MYBL2: variants seen among roughly 807,000 people sequenced by gnomAD.
The protein encoded by MYBL2 is myb-related protein B.
In MYBL2, 28 loss-of-function variants were observed where a neutral mutation model predicts 79.9. The observed-to-expected ratio is 0.35, with a 90% CI of 0.26 to 0.48. The LOEUF (loss-of-function observed/expected upper bound fraction) is 0.48, where lower values mean the gene tolerates loss of function less well. Among genes scored for constraint, MYBL2 ranks in the 20% least tolerant of loss-of-function variants. MYBL2 has a pLI of 0.99. For missense variants in MYBL2, 735 were observed against 893.9 expected (o/e 0.82, Z 2.27); for synonymous variants, 378 against 361.2 (o/e 1.05, Z -0.53).
intron 1 of MYBL2, among the ~76,000 whole-genome samples, chr20:43,671,697 C>G (rs1478207891): frequency 2.6e-5 from 4 of 151,630 alleles, no homozygotes; most frequent in Non-Finnish European, 5.9e-5. Flanking sequence ...GTCTCGAACT[C>G]CCGACCTCAG....
At position 43,687,007 on chromosome 20, in the gene MYBL2, C is replaced by T; in HGVS notation, c.435C>T (p.Ile145=). The T allele has an allele frequency of 6.2e-7, 1 of 1,614,032 alleles. No individual in the cohort carries two copies. Among genetic ancestry groups the T allele is most frequent in the Admixed American group, 1.7e-5 (1 of 60,026 alleles). ...KSCWTEEEDR[I]ICEAHKVLGN... ...GCTGGACCGAGGAGGAGGACCGCAT[C>T]ATCTGCGAGGCCCACAAGGTGCTGG... Residue 145 remains isoleucine, a synonymous_variant, in exon 5 of 14, where the codon ATC becomes ATT. Transcript: ENST00000217026.
rs73907901 is a variant in MYBL2 at position 43,681,886 on chromosome 20, G to A, written c.186+31G>A. On this transcript the variant is annotated intron_variant, in intron 3 of 13. Transcript: ENST00000217026. ...TACAGTCCTGCTGTGGCCCTCCCTCGGGGCAAGGGCTCTGGGAGAACAGTG... is the reference window on the plus strand; with the variant it reads ...TACAGTCCTGCTGTGGCCCTCCCTCAGGGCAAGGGCTCTGGGAGAACAGTG... 3.0e-3 allele frequency: 4,855 copies of A among 1,609,348 alleles called. 138 individuals carry two copies. In the African/African-American group the frequency reaches 0.057, roughly 19 times the overall value.
intron 12 of MYBL2, among the ~76,000 whole-genome samples, chr20:43,713,480 C>T (rs553439639): frequency 2.6e-5 from 4 of 151,904 alleles, no homozygotes; most frequent in Admixed American, 2.0e-4. Context: ...CTCCGTCTCC[C>T]GAGTTCAAGT....
chr20:43,700,014 C>T lies in MYBL2; in HGVS notation c.921C>T (p.Ser307=), dbSNP rs772021056. Residue 307 remains serine, a synonymous_variant, in exon 7 of 14, where the codon AGC becomes AGT. Coordinates refer to ENST00000217026, the MANE Select transcript of MYBL2 (RefSeq NM_002466.4). ...TCCTCATCCCTGCTGTGGGTTCTAG[C>T]CTCTCTGAAGCCCTGGACTTGATCG... ...ANLLIPAVGS[S]LSEALDLIES... 7 of 1,614,032 alleles carry T rather than the reference C, an allele frequency of 4.3e-6. No homozygotes were observed. The highest frequency in any genetic ancestry group is 5.9e-6 in the Non-Finnish European group (7 of 1,179,994).
At chr20:43,679,421 T>C (rs562038851) in intron 2 of MYBL2, among the ~76,000 whole-genome samples, 16 of 152,364 alleles carry the variant, frequency 1.1e-4, no homozygotes, top group African/African-American at 3.8e-4. Flanking sequence ...TTCAGTGGTG[T>C]TAAGTATTTT....
At chr20:43,693,613 A>G (rs954669753) in intron 6 of MYBL2, among the ~76,000 whole-genome samples, 3 of 152,178 alleles carry the variant, frequency 2.0e-5, no homozygotes, top group African/African-American at 7.2e-5. Flanking sequence ...CTGGCATTAC[A>G]GACGTGAGCC....
chr20:43,686,712 C>A, intron 4 of MYBL2, 140 bp from the exon 5 acceptor site: 1 of 771,452 alleles, frequency 1.3e-6, no homozygotes, highest in Non-Finnish European at 2.1e-6. Flanking sequence ...GCATCCCCTG[C>A]AGCTCGCTCA....
At chr20:43,702,079 G>T (rs2145728495) in intron 7 of MYBL2, among the ~76,000 whole-genome samples, 1 of 152,150 alleles carries the variant, frequency 6.6e-6, no homozygotes, top group East Asian at 1.9e-4. Flanking sequence ...GTGAGCCGAG[G>T]TTGCACCACT....
At chr20:43,707,263 C>T (rs149485062) in intron 9 of MYBL2, among the ~76,000 whole-genome samples, 11 of 151,196 alleles carry the variant, frequency 7.3e-5, no homozygotes, top group African/African-American at 2.2e-4. Context: ...AGATAGGTTT[C>T]GTGAGAAATG....
intron 6 of MYBL2, among the ~76,000 whole-genome samples, chr20:43,695,594 G>A (rs575056746): frequency 6.6e-6 from 1 of 152,158 alleles, no homozygotes; most frequent in East Asian, 1.9e-4. Flanking sequence ...GCTCATTCCT[G>A]TAATCCCAGC....
At chr20:43,706,251 G>A (rs908455657) in intron 9 of MYBL2, among the ~76,000 whole-genome samples, 3 of 152,180 alleles carry the variant, frequency 2.0e-5, no homozygotes, top group African/African-American at 4.8e-5. Context: ...TGTGCAGGGC[G>A]AAAGTGCCCA....
At chr20:43,694,832 AAG>A (rs963270581) in intron 6 of MYBL2, among the ~76,000 whole-genome samples, 5 of 152,318 alleles carry the variant, frequency 3.3e-5, no homozygotes, top group Admixed American at 2.6e-4. Context: ...CCGTTCCACA[AAG>A]AGAAACAGCG....
chr20:43,681,897 T>C (rs1244136034), intron 3 of MYBL2, 42 bp downstream of exon 3: 1 of 1,600,638 alleles, frequency 6.2e-7, no homozygotes, highest in South Asian at 1.1e-5. Context: ...GGGCAAGGGC[T>C]CTGGGAGAAC....
intron 2 of MYBL2, among the ~76,000 whole-genome samples, chr20:43,680,136 A>G (rs1230478573): frequency 1.3e-5 from 2 of 151,926 alleles, no homozygotes; most frequent in Non-Finnish European, 2.9e-5. Flanking sequence ...GTTCAAGTGA[A>G]TCTTCTGCTG....
intron 1 of MYBL2, among the ~76,000 whole-genome samples, chr20:43,669,130 C>T (rs1009186623): frequency 1.3e-5 from 2 of 152,176 alleles, no homozygotes; most frequent in African/African-American, 4.8e-5. Context: ...TGAGCCACCG[C>T]GTCTGGCGTG....
At chr20:43,692,357 C>T in intron 6 of MYBL2, 38 bp downstream of exon 6, 1 of 1,610,620 alleles carries the variant, frequency 6.2e-7, no homozygotes, top group South Asian at 1.1e-5. Context: ...GGTTTGATTT[C>T]ACATTCATCT....
At chr20:43,685,879 A>C (rs1344272941) in intron 4 of MYBL2, among the ~76,000 whole-genome samples, 1 of 151,984 alleles carries the variant, frequency 6.6e-6, no homozygotes, top group Non-Finnish European at 1.5e-5. Context: ...CTCTACTAAA[A>C]ATACAAAATT....
chr20:43,708,756 T>C (rs1242340751), intron 9 of MYBL2, among the ~76,000 whole-genome samples: 1 of 152,212 alleles, frequency 6.6e-6, no homozygotes, highest in Non-Finnish European at 1.5e-5. Context: ...TTAGTCCTTG[T>C]TGATGCCACG....
At chr20:43,673,739 A>T (rs1986924227) in intron 1 of MYBL2, 67 bp from the exon 2 acceptor site, 1 of 1,508,434 alleles carries the variant, frequency 6.6e-7, no homozygotes, top group East Asian at 2.3e-5. Context: ...GCCGCTGCCT[A>T]CACGTTCTCC....
Sources: allele counts gnomAD v4.1 joint callset (sites outside exome capture counted in the v4.1 genomes callset), GRCh38; gene constraint gnomAD v4.1.1; transcripts MANE v1.5; gene names NCBI Gene and HGNC (gene_info 2026-07-23, HGNC 2026-07-21).